DCDC1: variants seen among roughly 807,000 people sequenced by gnomAD.
DCDC1 encodes the protein doublecortin domain containing 1.
In DCDC1, 200 loss-of-function variants were observed where a neutral mutation model predicts 178.3. The ratio of observed to expected loss-of-function variants is 1.12; its 90% confidence interval spans 1.00 to 1.26. The LOEUF is 1.26. Among genes scored for constraint, DCDC1 ranks in the 50% most tolerant of loss-of-function variants. The pLI is 0.00. For synonymous variants in DCDC1, 690 were observed against 604.8 expected (o/e 1.14, Z -2.07); for missense variants, 1,983 against 1,749.2 (o/e 1.13, Z -2.38).
intron 11 of DCDC1, among the ~76,000 whole-genome samples, 155 bp from the exon 12 acceptor site, chr11:31,110,516 G>A (rs187033183): frequency 2.2e-4 from 33 of 152,186 alleles, no homozygotes; most frequent in African/African-American, 6.5e-4. Context: ...AGCAAGGACC[G>A]ACTGTATAAA....
At chr11:31,137,919 ACT>A (rs1401078518) in intron 9 of DCDC1, 135 bp from the exon 10 acceptor site, 2 of 550,494 alleles carry the variant, frequency 3.6e-6, no homozygotes, top group African/African-American at 1.9e-5. Context: ...ATGAAAATAA[ACT>A]CTGAATTTCA....
At chr11:30,957,794 A>C (rs1373707293) in intron 20 of DCDC1, among the ~76,000 whole-genome samples, 2 of 152,202 alleles carry the variant, frequency 1.3e-5, no homozygotes. Context: ...GTGGTAAGAC[A>C]GATGCAACGA....
chr11:30,882,780 A>C (rs888014862), intron 36 of DCDC1: 5 of 152,196 alleles, frequency 3.3e-5, no homozygotes, highest in Non-Finnish European at 7.3e-5. Flanking sequence ...ATTCTACAAC[A>C]TAAAAAAAGG....
At chr11:30,954,015 T>C (rs1447138467) in intron 20 of DCDC1, among the ~76,000 whole-genome samples, 1 of 136,646 alleles carries the variant, frequency 7.3e-6, no homozygotes, top group East Asian at 2.0e-4. Context: ...CTTTTTTTTT[T>C]TTTTTTTTTT....
chr11:31,357,312 T>C (rs1034201332), intron 1 of DCDC1, among the ~76,000 whole-genome samples: 25 of 149,824 alleles, frequency 1.7e-4, no homozygotes, highest in African/African-American at 5.2e-4. Context: ...TAATCCAGCA[T>C]ATAAACAGAA....
chr11:31,004,188 A>G (rs533146876), intron 20 of DCDC1, among the ~76,000 whole-genome samples: 2 of 152,336 alleles, frequency 1.3e-5, no homozygotes, highest in South Asian at 4.1e-4. Flanking sequence ...AAAACAACAC[A>G]TTTAGTTTTA....
chr11:31,092,571 A>G (rs1261773416), intron 16 of DCDC1, among the ~76,000 whole-genome samples: 3 of 152,208 alleles, frequency 2.0e-5, no homozygotes, highest in Non-Finnish European at 2.9e-5. Flanking sequence ...AACTTTCCCA[A>G]TGTCACACAA....
At chr11:31,068,852 T>C (rs1198248331) in intron 18 of DCDC1, among the ~76,000 whole-genome samples, 1 of 151,428 alleles carries the variant, frequency 6.6e-6, no homozygotes, top group African/African-American at 2.4e-5. Flanking sequence ...TTCTCATTAA[T>C]GTATTTTTTT....
At chr11:31,046,224 T>C (rs956073110) in intron 20 of DCDC1, among the ~76,000 whole-genome samples, 2 of 152,204 alleles carry the variant, frequency 1.3e-5, no homozygotes, top group African/African-American at 2.4e-5. Flanking sequence ...CTTTTGAAAT[T>C]GGCTTTTTCC....
At chr11:30,904,484 G>T (rs1944921204) in intron 31 of DCDC1, 3 of 169,522 alleles carry the variant, frequency 1.8e-5, no homozygotes, top group Admixed American at 1.7e-4. Flanking sequence ...CCCCAAGGCA[G>T]ACCAGGTAGT....
At chr11:30,945,511 T>A (rs531652264) in intron 21 of DCDC1, among the ~76,000 whole-genome samples, 45 of 151,884 alleles carry the variant, frequency 3.0e-4, no homozygotes, top group African/African-American at 1.1e-3. Flanking sequence ...CTGACCAACA[T>A]GGTGAAACCC....
intron 32 of DCDC1, among the ~76,000 whole-genome samples, chr11:30,902,362 C>T (rs896135932): frequency 3.3e-5 from 5 of 152,130 alleles, no homozygotes; most frequent in Non-Finnish European, 7.4e-5. Context: ...CTACCAATGC[C>T]TTGCTGTTGG....
At chr11:30,979,859 A>C (rs1284933731) in intron 20 of DCDC1, among the ~76,000 whole-genome samples, 5 of 152,236 alleles carry the variant, frequency 3.3e-5, no homozygotes, top group Non-Finnish European at 7.3e-5. Flanking sequence ...TCAGGATGTG[A>C]GATGATCTTC....
At chr11:31,324,223 A>T (rs1378833790) in intron 3 of DCDC1, among the ~76,000 whole-genome samples, 1 of 152,106 alleles carries the variant, frequency 6.6e-6, no homozygotes, top group Admixed American at 6.5e-5. Context: ...TTGCAGAAGA[A>T]AAACTTCTAA....
intron 6 of DCDC1, among the ~76,000 whole-genome samples, chr11:31,304,790 G>A (rs2137573435): frequency 6.6e-6 from 1 of 152,194 alleles, no homozygotes; most frequent in Non-Finnish European, 1.5e-5. Context: ...GCATAGGAAA[G>A]TACAGCAGTT....
intron 9 of DCDC1, among the ~76,000 whole-genome samples, chr11:31,221,671 T>C (rs1008370914): frequency 1.3e-5 from 2 of 152,214 alleles, no homozygotes; most frequent in African/African-American, 4.8e-5. Context: ...TCTCCATTCC[T>C]GGTCTCTGCT....
intron 34 of DCDC1, among the ~76,000 whole-genome samples, chr11:30,895,546 T>C (rs571546528): frequency 6.6e-6 from 1 of 152,314 alleles, no homozygotes; most frequent in East Asian, 1.9e-4. Context: ...CTGGTACTTA[T>C]AGAGTATAAA....
chr11:31,340,954 T>C (rs570912490), intron 1 of DCDC1, among the ~76,000 whole-genome samples: 1 of 152,138 alleles, frequency 6.6e-6, no homozygotes, highest in African/African-American at 2.4e-5. Context: ...AGAGAATGAA[T>C]TTGGTTTTGG....
intron 6 of DCDC1, among the ~76,000 whole-genome samples, chr11:31,293,702 A>C (rs1430002564): frequency 1.3e-5 from 2 of 152,160 alleles, no homozygotes; most frequent in Non-Finnish European, 2.9e-5. Flanking sequence ...TATCTCTCTC[A>C]ACAACTTTAT....
Sources: gnomAD v4.1 joint callset for allele counts (sites outside exome capture counted in the v4.1 genomes callset) on GRCh38, gnomAD v4.1.1 for gene constraint, MANE v1.5 for transcripts, NCBI Gene and HGNC (gene_info 2026-07-23, HGNC 2026-07-21) for gene names.